Variants in AKR1C3 observed in about 807,000 individuals in gnomAD.
The protein encoded by AKR1C3 is aldo-keto reductase family 1 member C3, also known as 3-alpha hydroxysteroid dehydrogenase, type II.
Under a neutral mutation model 43.6 loss-of-function variants are expected in AKR1C3, and 48 were observed. The observed-to-expected ratio is 1.10, with a 90% CI of 0.87 to 1.40. The LOEUF is 1.40. Ranked by LOEUF, AKR1C3 falls within the 40% of genes most tolerant of loss-of-function variation. AKR1C3 has a pLI of 0.00. For missense variants in AKR1C3, 482 were observed against 391.2 expected (o/e 1.23, Z -1.96); for synonymous variants, 162 against 139.6 (o/e 1.16, Z -1.13).
At chr10:5,074,299 C>T (rs1481054579) in intron 1 of AKR1C3, among the ~76,000 whole-genome samples, 4 of 152,136 alleles carry the variant, frequency 2.6e-5, no homozygotes, top group Admixed American at 6.6e-5. Flanking sequence ...AATAAACTCT[C>T]TATATTAACT....
intron 1 of AKR1C3, among the ~76,000 whole-genome samples, chr10:5,052,032 T>C (rs1339995001): frequency 1.3e-5 from 2 of 152,196 alleles, no homozygotes; most frequent in Non-Finnish European, 2.9e-5. Flanking sequence ...AATGAAGCCG[T>C]GGACCCTCGC....
At position 5,084,538 on chromosome 10, in the gene AKR1C3, T is replaced by C. The variant is rs192602515; in HGVS notation, c.85-11872T>C. 7.6e-3 allele frequency among the ~76,000 whole-genome samples: 1,154 copies of C among 152,292 alleles called. 8 individuals are homozygous for C. The highest frequency in any genetic ancestry group is 0.011 in the Non-Finnish European group (757 of 68,030). On this transcript the variant is annotated intron_variant, in intron 1 of 8. Transcript: ENST00000439082. ...TGCCTCCGGCTTTGTTCTTTTGGCTTAGGATTGACTTGGTGAGGCGGGCTC... is the reference window on the plus strand; with the variant it reads ...TGCCTCCGGCTTTGTTCTTTTGGCTCAGGATTGACTTGGTGAGGCGGGCTC...
In AKR1C3 at chr10:5,098,822, A is replaced by C; in HGVS notation, c.390A>C (p.Pro130=). 1.9e-6 allele frequency: 3 copies of C among 1,613,800 alleles called. No homozygotes were observed. Among genetic ancestry groups the C allele is most frequent in the Non-Finnish European group, 2.5e-6 (3 of 1,179,846 alleles). ...TTCAGCCAGGTGAGGAACTTTCACC[A>C]ACAGATGAAAATGGAAAAGTAATAT... ...MSLKPGEELS[P]TDENGKVIFD... Residue 130 remains proline (P), a synonymous_variant, in exon 4 of 9, where the codon CCA becomes CCC. Coordinates refer to ENST00000380554, the MANE Select transcript of AKR1C3 (RefSeq NM_003739.6).
intron 1 of AKR1C3, among the ~76,000 whole-genome samples, chr10:5,071,510 C>A (rs1297603766): frequency 6.6e-6 from 1 of 152,170 alleles, no homozygotes; most frequent in South Asian, 2.1e-4. Context: ...CACAGTGGCA[C>A]GGATTCTCTT....
At chr10:5,098,227 TTTGTCTATTC>T in intron 3 of AKR1C3, 1 of 968,310 alleles carries the variant, frequency 1.0e-6, no homozygotes, top group Non-Finnish European at 1.2e-6. Flanking sequence ...AAATGTATCA[TTTGTCTATTC>T]TTATCTCTAA....
intron 1 of AKR1C3, among the ~76,000 whole-genome samples, chr10:5,063,831 G>C (rs797041790): frequency 2.2e-5 from 3 of 133,896 alleles, no homozygotes; most frequent in African/African-American, 8.3e-5. Flanking sequence ...AAAAATGACA[G>C]TCATGTGTCA....
rs782738420 is a variant in AKR1C3 at position 5,095,279 on chromosome 10, AATT to A, written c.84+755_84+757del. On this transcript the variant is annotated intron_variant, in intron 1 of 8. Coordinates refer to ENST00000380554, the MANE Select transcript of AKR1C3 (RefSeq NM_003739.6). ...GCTACTAAGTGTGTGAATAGGAACT[AATT>A]ATTGAAATTTGAGTCTCTCACTTTA... 3.9e-5 allele frequency among the ~76,000 whole-genome samples: 6 copies of A among 152,234 alleles called. No individual in the cohort carries two copies. In the South Asian group the frequency reaches 6.2e-4, roughly 16 times the overall value.
At chr10:5,096,376 G>A in intron 1 of AKR1C3, 34 bp from the exon 2 acceptor site, 2 of 1,604,492 alleles carry the variant, frequency 1.2e-6, no homozygotes, top group South Asian at 1.1e-5. Context: ...CAGCCACAGT[G>A]ATCACCAGAT....
intron 1 of AKR1C3, among the ~76,000 whole-genome samples, chr10:5,067,637 C>T (rs1838536232): frequency 6.6e-6 from 1 of 152,144 alleles, no homozygotes; most frequent in Non-Finnish European, 1.5e-5. Flanking sequence ...TTGAAAATAA[C>T]AATTGAATGA....
At chr10:5,103,623 T>G (rs1239670282) in intron 7 of AKR1C3, among the ~76,000 whole-genome samples, 1 of 152,158 alleles carries the variant, frequency 6.6e-6, no homozygotes, top group Admixed American at 6.5e-5. Context: ...CTCCTCCATA[T>G]AGTTCATCCT....
intron 1 of AKR1C3, among the ~76,000 whole-genome samples, chr10:5,068,446 T>G (rs1298689510): frequency 6.6e-6 from 1 of 151,888 alleles, no homozygotes; most frequent in East Asian, 1.9e-4. Flanking sequence ...TTGCCCTAAA[T>G]TACTTATTTT....
chr10:5,075,432 A>G (rs1554781715), intron 1 of AKR1C3, among the ~76,000 whole-genome samples: 2 of 151,784 alleles, frequency 1.3e-5, no homozygotes, highest in African/African-American at 4.8e-5. Context: ...GCCCCCCTTG[A>G]GTGAAGTATT....
intron 1 of AKR1C3, among the ~76,000 whole-genome samples, chr10:5,073,277 T>C (rs1554781496): frequency 3.9e-5 from 6 of 152,240 alleles, no homozygotes; most frequent in Non-Finnish European, 8.8e-5. Flanking sequence ...GCTTTTTTAA[T>C]AAGAAAATTA....
At chr10:5,070,621 T>C (rs1398299546) in intron 1 of AKR1C3, among the ~76,000 whole-genome samples, 1 of 152,220 alleles carries the variant, frequency 6.6e-6, no homozygotes, top group Non-Finnish European at 1.5e-5. Flanking sequence ...GTGTTCCCTG[T>C]CTCCAGACCC....
intron 1 of AKR1C3, chr10:5,077,548 C>T: frequency 2.2e-6 from 1 of 460,298 alleles, no homozygotes; most frequent in Non-Finnish European, 2.9e-6. Flanking sequence ...TATGGAAATG[C>T]AAGGTTTGTC....
intron 1 of AKR1C3, among the ~76,000 whole-genome samples, chr10:5,086,097 T>A (rs1838959633): frequency 6.6e-6 from 1 of 151,892 alleles, no homozygotes; most frequent in Non-Finnish European, 1.5e-5. Flanking sequence ...CTGATCTTAG[T>A]TATTTCTTGC....
Position 5,097,655 on chromosome 10 carries a change from TCACA to T in AKR1C3, c.369+108_369+111del, listed in dbSNP as rs34942947. On this transcript the variant is annotated intron_variant, in intron 3 of 8. Transcript: ENST00000380554. ...TTTTATTAGGAGGATGTAGGGATTA[TCACA>T]CAGAAGAAGAACCGTAAGTGGAACA... 3.9e-4 allele frequency: 614 copies of T among 1,590,438 alleles called. 6 individuals are homozygous for T. In the African/African-American group the frequency reaches 7.1e-3, roughly 18 times the overall value.
At chr10:5,059,170 C>A (rs960855522) in intron 1 of AKR1C3, among the ~76,000 whole-genome samples, 6 of 152,028 alleles carry the variant, frequency 3.9e-5, no homozygotes, top group Admixed American at 6.5e-5. Context: ...GGGCTTTGGG[C>A]AAAAATTATG....
intron 1 of AKR1C3, among the ~76,000 whole-genome samples, chr10:5,059,041 T>C (rs1304458241): frequency 1.3e-5 from 2 of 152,158 alleles, no homozygotes; most frequent in Admixed American, 1.3e-4. Context: ...TCTTTACTTA[T>C]ATGAATAGGA....
Sources: allele counts gnomAD v4.1 joint callset (sites outside exome capture counted in the v4.1 genomes callset), GRCh38; gene constraint gnomAD v4.1.1; transcripts MANE v1.5; gene names NCBI Gene and HGNC (gene_info 2026-07-23, HGNC 2026-07-21).